OPCML: variants seen among roughly 807,000 people sequenced by gnomAD.
OPCML encodes the protein opioid binding protein/cell adhesion molecule like.
OPCML carries 13 observed loss-of-function variants against 37.8 expected under a neutral mutation model. That is an observed-to-expected ratio of 0.34 (90% CI 0.22 to 0.55). The LOEUF is 0.55. OPCML is among the 20% of genes least tolerant of loss of function. The pLI is 0.91. For synonymous variants in OPCML, 176 were observed against 168.8 expected (o/e 1.04, Z -0.33); for missense variants, 341 against 435.6 (o/e 0.78, Z 1.93).
At chr11:132,716,973 G>A (rs1277184404) in intron 2 of OPCML, among the ~76,000 whole-genome samples, 2 of 152,108 alleles carry the variant, frequency 1.3e-5, no homozygotes, top group Admixed American at 6.5e-5. Flanking sequence ...TAGTCAGTAA[G>A]CCTGTCTAAA....
chr11:133,343,949 G>A (rs1439832339), intron 1 of OPCML, among the ~76,000 whole-genome samples: 1 of 152,314 alleles, frequency 6.6e-6, no homozygotes, highest in East Asian at 1.9e-4. Context: ...AGTCCCTGCA[G>A]TTTTCTCAGT....
intron 3 of OPCML, among the ~76,000 whole-genome samples, chr11:132,565,172 G>T (rs2137529699): frequency 6.6e-6 from 1 of 152,232 alleles, no homozygotes; most frequent in East Asian, 1.9e-4. Context: ...TCCTGCCTCT[G>T]GGAACCTCTC....
At chr11:133,461,686 G>A (rs1450902693) in intron 1 of OPCML, among the ~76,000 whole-genome samples, 1 of 151,758 alleles carries the variant, frequency 6.6e-6, no homozygotes, top group Non-Finnish European at 1.5e-5. Flanking sequence ...TGGATTGAAA[G>A]CTTTAAACTT....
intron 1 of OPCML, among the ~76,000 whole-genome samples, chr11:132,962,665 C>T (rs768504091): frequency 9.8e-5 from 15 of 152,292 alleles, no homozygotes; most frequent in Admixed American, 4.6e-4. Flanking sequence ...TGTTTCCCAC[C>T]GACCCCAGCC....
chr11:133,460,455 A>G (rs1486622283), intron 1 of OPCML, among the ~76,000 whole-genome samples: 1 of 151,866 alleles, frequency 6.6e-6, no homozygotes, highest in Non-Finnish European at 1.5e-5. Flanking sequence ...ACATTGACAA[A>G]CTTTTAGCTA....
chr11:132,450,086 G>A lies in OPCML; in HGVS notation c.506-12727C>T, dbSNP rs369152332. Among the ~76,000 whole-genome samples, 104 of 152,254 alleles carry A rather than the reference G, an allele frequency of 6.8e-4. 1 individual carries two copies. The highest frequency in any genetic ancestry group is 1.9e-3 in the African/African-American group (81 of 41,560). On this transcript the variant is annotated intron_variant, in intron 4 of 7. Coordinates refer to ENST00000524381, the MANE Select transcript of OPCML (RefSeq NM_001012393.5). Reference sequence around the variant, plus strand: ...ATGGTGGCTGCAGCCAGGGCTGGTCGTCCTCCAAAGCACCCTGCCCAGGCC... The same window carrying A: ...ATGGTGGCTGCAGCCAGGGCTGGTCATCCTCCAAAGCACCCTGCCCAGGCC...
At chr11:132,468,412 A>G (rs1003537127) in intron 4 of OPCML, among the ~76,000 whole-genome samples, 1 of 152,058 alleles carries the variant, frequency 6.6e-6, no homozygotes, top group South Asian at 2.1e-4. Context: ...AGTTGTTTTC[A>G]TTTTTCATAG....
chr11:133,031,292 G>A (rs2136924060), intron 1 of OPCML, among the ~76,000 whole-genome samples: 1 of 152,130 alleles, frequency 6.6e-6, no homozygotes, highest in East Asian at 1.9e-4. Flanking sequence ...GTGTGCATGG[G>A]TGGATGGATA....
intron 1 of OPCML, among the ~76,000 whole-genome samples, chr11:133,159,615 C>A (rs975652927): frequency 5.2e-4 from 79 of 152,142 alleles, no homozygotes; most frequent in African/African-American, 1.9e-3. Flanking sequence ...CATTCAAGAG[C>A]GAAGTAATAA....
chr11:132,465,089 T>G, intron 4 of OPCML, among the ~76,000 whole-genome samples: 1 of 152,226 alleles, frequency 6.6e-6, no homozygotes, highest in East Asian at 1.9e-4. Context: ...ATTCTTTTTA[T>G]GGGCTACATA....
chr11:132,670,711 G>A (rs1012567883), intron 2 of OPCML, among the ~76,000 whole-genome samples: 2 of 152,128 alleles, frequency 1.3e-5, no homozygotes, highest in African/African-American at 2.4e-5. Context: ...ACTATAGATT[G>A]TAGTGAATAT....
intron 3 of OPCML, among the ~76,000 whole-genome samples, chr11:132,601,699 A>C (rs910772323): frequency 6.6e-6 from 1 of 152,180 alleles, no homozygotes; most frequent in Non-Finnish European, 1.5e-5. Flanking sequence ...TGGTCCTTGA[A>C]GACCTTCCTA....
intron 2 of OPCML, among the ~76,000 whole-genome samples, chr11:132,695,005 T>G (rs991560201): frequency 6.6e-6 from 1 of 152,196 alleles, no homozygotes; most frequent in Non-Finnish European, 1.5e-5. Context: ...CCTTCAAAGA[T>G]CTTTGTTGAG....
chr11:132,786,981 C>T (rs1010930320), intron 2 of OPCML, among the ~76,000 whole-genome samples: 8 of 152,092 alleles, frequency 5.3e-5, no homozygotes, highest in South Asian at 2.1e-4. Context: ...CCAAAGTCAG[C>T]GAGCATCAGC....
At chr11:133,370,383 G>T (rs1346659187) in intron 1 of OPCML, among the ~76,000 whole-genome samples, 1 of 151,044 alleles carries the variant, frequency 6.6e-6, no homozygotes, top group Admixed American at 6.6e-5. Flanking sequence ...GTTGCAGTCT[G>T]TAAAATCAAT....
intron 1 of OPCML, among the ~76,000 whole-genome samples, chr11:133,505,134 CG>C (rs1432858322): frequency 6.6e-6 from 1 of 152,206 alleles, no homozygotes; most frequent in Non-Finnish European, 1.5e-5. Context: ...CATCAAACCC[CG>C]GAATTCCCTC....
intron 1 of OPCML, among the ~76,000 whole-genome samples, chr11:133,278,331 G>T (rs948079355): frequency 3.4e-4 from 52 of 152,098 alleles, no homozygotes; most frequent in African/African-American, 1.2e-3. Context: ...CTTTTTTAGG[G>T]GGGGTTATTG....
intron 1 of OPCML, among the ~76,000 whole-genome samples, chr11:133,229,139 T>C (rs1484270147): frequency 1.3e-5 from 2 of 152,176 alleles, no homozygotes; most frequent in Non-Finnish European, 2.9e-5. Context: ...TGGGCCTGTT[T>C]AATTGCTTTT....
At chr11:132,681,275 T>A (rs1942929965) in intron 2 of OPCML, among the ~76,000 whole-genome samples, 1 of 152,192 alleles carries the variant, frequency 6.6e-6, no homozygotes, top group Admixed American at 6.5e-5. Context: ...CCCACTCAAA[T>A]GTTGCCTTTT....
Sources: gnomAD v4.1 joint callset for allele counts (sites outside exome capture counted in the v4.1 genomes callset) on GRCh38, gnomAD v4.1.1 for gene constraint, MANE v1.5 for transcripts, NCBI Gene and HGNC (gene_info 2026-07-23, HGNC 2026-07-21) for gene names.